Variants in MEOX2 observed in about 807,000 individuals in gnomAD.
MEOX2 encodes the protein mesenchyme homeobox 2.
A neutral mutation model predicts 27.0 loss-of-function variants in MEOX2; 11 were observed. The ratio of observed to expected loss-of-function variants is 0.41; its 90% CI spans 0.26 to 0.68. The LOEUF (loss-of-function observed/expected upper bound fraction) is 0.68. Among genes scored for constraint, MEOX2 ranks in the 30% least tolerant of loss-of-function variants. The probability of loss-of-function intolerance (pLI) is 0.33; values close to 1 mark genes in which losing one functional copy is unlikely to be tolerated. For synonymous variants in MEOX2, 189 were observed against 155.4 expected (o/e 1.22, Z -1.61); for missense variants, 436 against 385.4 (o/e 1.13, Z -1.10).
rs144571572 is a variant in MEOX2 at position 15,641,889 on chromosome 7, G to A, written c.518-14971C>T. 8.5e-3 allele frequency among the ~76,000 whole-genome samples: 1,287 copies of A among 151,964 alleles called. 7 individuals carry two copies. Among genetic ancestry groups the A allele is most frequent in the Non-Finnish European group, 0.014 (929 of 67,974 alleles). On this transcript the variant is annotated intron_variant, in intron 1 of 2. Coordinates refer to ENST00000262041, the MANE Select transcript of MEOX2 (RefSeq NM_005924.5). ...TCATTTATGAAGCTCAGTTTGACAG[G>A]ATACAAAATTTTTTGTTGCCATTCG...
At chr7:15,664,509 A>T (rs1359201745) in intron 1 of MEOX2, among the ~76,000 whole-genome samples, 2 of 152,208 alleles carry the variant, frequency 1.3e-5, no homozygotes, top group African/African-American at 4.8e-5. Context: ...TCAGCAATAG[A>T]TGCTTGATGT....
At chr7:15,631,375 A>C (rs954901558) in intron 1 of MEOX2, among the ~76,000 whole-genome samples, 1 of 152,010 alleles carries the variant, frequency 6.6e-6, no homozygotes, top group Non-Finnish European at 1.5e-5. Context: ...AAATCAGATA[A>C]ATCCCAATTT....
intron 1 of MEOX2, among the ~76,000 whole-genome samples, chr7:15,651,440 A>G (rs1027249746): frequency 2.6e-5 from 4 of 152,068 alleles, no homozygotes; most frequent in African/African-American, 7.2e-5. Flanking sequence ...CACTCAAAAT[A>G]AAAGAAATTA....
At chr7:15,635,123 C>A (rs1781460499) in intron 1 of MEOX2, among the ~76,000 whole-genome samples, 1 of 151,888 alleles carries the variant, frequency 6.6e-6, no homozygotes, top group African/African-American at 2.4e-5. Context: ...TGAGGAGATT[C>A]TTACAAACCG....
chr7:15,670,212 T>G (rs1474480921), intron 1 of MEOX2, among the ~76,000 whole-genome samples: 4 of 152,370 alleles, frequency 2.6e-5, no homozygotes, highest in South Asian at 2.1e-4. Context: ...ATGTGCATTA[T>G]GTTTAATAAT....
chr7:15,643,754 C>G (rs1397135175), intron 1 of MEOX2, among the ~76,000 whole-genome samples: 2 of 152,210 alleles, frequency 1.3e-5, no homozygotes, highest in African/African-American at 4.8e-5. Context: ...CTGTGCCACA[C>G]TCTTCTCTGT....
At chr7:15,679,208 C>A (rs1353270508) in intron 1 of MEOX2, 1 of 151,906 alleles carries the variant, frequency 6.6e-6, no homozygotes, top group Non-Finnish European at 1.5e-5. Flanking sequence ...TGTGAGTGTG[C>A]ATATACCTAT....
intron 1 of MEOX2, among the ~76,000 whole-genome samples, chr7:15,647,344 G>A (rs939012444): frequency 6.6e-6 from 1 of 152,014 alleles, no homozygotes. Context: ...ATCTCAGAGA[G>A]GTTCCCATGC....
At chr7:15,634,871 T>G (rs1781457741) in intron 1 of MEOX2, among the ~76,000 whole-genome samples, 1 of 151,970 alleles carries the variant, frequency 6.6e-6, no homozygotes, top group Admixed American at 6.6e-5. Context: ...CTTCAGAGGA[T>G]TATCCACATG....
chr7:15,633,177 G>C (rs1781428177), intron 1 of MEOX2, among the ~76,000 whole-genome samples: 1 of 151,812 alleles, frequency 6.6e-6, no homozygotes, highest in Admixed American at 6.6e-5. Flanking sequence ...AGTTTATTCA[G>C]ACACTGGAGG....
chr7:15,662,976 C>T (rs562090393), intron 1 of MEOX2, among the ~76,000 whole-genome samples: 6 of 152,074 alleles, frequency 3.9e-5, no homozygotes, highest in African/African-American at 1.4e-4. Context: ...AATTAAGAGG[C>T]CTCCATACCA....
chr7:15,668,717 C>A (rs546377581), intron 1 of MEOX2, among the ~76,000 whole-genome samples: 1 of 152,114 alleles, frequency 6.6e-6, no homozygotes, highest in South Asian at 2.1e-4. Context: ...CTCAGATGAT[C>A]CGCTCGCCTC....
intron 1 of MEOX2, among the ~76,000 whole-genome samples, chr7:15,672,311 T>A (rs965680190): frequency 6.6e-6 from 1 of 152,202 alleles, no homozygotes; most frequent in African/African-American, 2.4e-5. Flanking sequence ...GTTTCTTGAC[T>A]GTATGTAATG....
chr7:15,683,293 T>C (rs1320414333), intron 1 of MEOX2, among the ~76,000 whole-genome samples: 9 of 152,052 alleles, frequency 5.9e-5, no homozygotes, highest in Non-Finnish European at 1.2e-4. Context: ...TTACCCTGGA[T>C]TTATGTACTG....
chr7:15,670,786 C>G (rs1374722395), intron 1 of MEOX2, among the ~76,000 whole-genome samples: 1 of 152,182 alleles, frequency 6.6e-6, no homozygotes, highest in Non-Finnish European at 1.5e-5. Context: ...GCAACCCTGT[C>G]TGACATTGCT....
intron 1 of MEOX2, among the ~76,000 whole-genome samples, chr7:15,659,878 T>C (rs1423338716): frequency 1.3e-5 from 2 of 152,202 alleles, no homozygotes; most frequent in Non-Finnish European, 2.9e-5. Flanking sequence ...TTTATTCTTT[T>C]ATCAAGTACT....
rs145506452 is a variant in MEOX2, at chr7:15,686,370, G to A, written c.33C>T (p.Ser11=). MEHPLFGCLR[S]PHATAQGLHP... ...GCAAGCCTTGCGCCGTGGCGTGAGGGCTGCGCAGGCAGCCAAAGAGCGGGT... is the reference window on the plus strand; with the variant it reads ...GCAAGCCTTGCGCCGTGGCGTGAGGACTGCGCAGGCAGCCAAAGAGCGGGT... Residue 11 remains serine (S), a synonymous_variant, in exon 1 of 3, where the codon AGC becomes AGT. Coordinates refer to ENST00000262041, the MANE Select transcript of MEOX2 (RefSeq NM_005924.5). The A allele has an allele frequency of 3.2e-6, 5 of 1,586,184 alleles. No individual in the cohort carries two copies.
chr7:15,612,603 G>C lies in MEOX2; in HGVS notation c.699C>G (p.Val233=), dbSNP rs1781050343. 2 of 1,613,616 alleles carry C rather than the reference G, an allele frequency of 1.2e-6. No individual in the cohort carries two copies. The highest frequency in any genetic ancestry group is 1.7e-6 in the Non-Finnish European group (2 of 1,179,804). ...NLDLTERQVK[V]WFQNRRMKWK... Reference sequence around the variant, plus strand: ...ACTTCATCCGCCTGTTTTGGAACCAGACTTTCACCTTCAACCAAGAAAGGG... The same window carrying C: ...ACTTCATCCGCCTGTTTTGGAACCACACTTTCACCTTCAACCAAGAAAGGG... Residue 233 remains valine, a synonymous_variant, in exon 3 of 3, where the codon GTC becomes GTG. Transcript: ENST00000262041.
chr7:15,654,436 C>G (rs1321347442), intron 1 of MEOX2, among the ~76,000 whole-genome samples: 1 of 151,482 alleles, frequency 6.6e-6, no homozygotes, highest in East Asian at 1.9e-4. Context: ...TTGGCTATAC[C>G]TTTCAGTCTT....
Sources: gnomAD v4.1 joint callset for allele counts (sites outside exome capture counted in the v4.1 genomes callset) on GRCh38, gnomAD v4.1.1 for gene constraint, MANE v1.5 for transcripts, NCBI Gene and HGNC (gene_info 2026-07-23, HGNC 2026-07-21) for gene names.